DGKH: variants seen among roughly 807,000 people sequenced by gnomAD.
DGKH encodes diacylglycerol kinase eta.
In DGKH, 90 loss-of-function variants were observed where a neutral mutation model predicts 159.3. That is an observed-to-expected ratio of 0.57 (90% CI 0.48 to 0.67). DGKH has a LOEUF of 0.67. DGKH is among the 30% of genes least tolerant of loss of function. The pLI is 0.00. For missense variants in DGKH, 1,181 were observed against 1,506.1 expected (o/e 0.78, Z 3.57); for synonymous variants, 536 against 553.8 (o/e 0.97, Z 0.45).
downstream of DGKH, among the ~76,000 whole-genome samples, chr13:42,244,322 C>T (rs533688006): frequency 2.0e-5 from 3 of 152,242 alleles, no homozygotes; most frequent in South Asian, 2.1e-4. Flanking sequence ...GAGAAGGGGG[C>T]GCTCTCCCGA....
rs570502418 is a variant in DGKH, at chr13:42,066,800, G to T, written c.192+17835G>T. On this transcript the variant is annotated intron_variant, in intron 1 of 29. Transcript: ENST00000337343. The stretch of plus-strand genomic sequence containing the variant: ...GCCCCCTGTGCGGAAGTGCTGTCTG[G>T]TTTTTTCCTAAAAGTAAAATGTTAT... 6.6e-5 allele frequency: 10 copies of T among 152,120 alleles called. No homozygotes were observed. The South Asian group carries it at 1.0e-3, about 16-fold the overall frequency. The allele number at this position is 152,120 out of a possible 1,614,324, so 9.4% of individuals were successfully genotyped here.
At chr13:42,209,255 T>C in intron 22 of DGKH, 76 bp from the exon 23 acceptor site, 2 of 1,533,654 alleles carry the variant, frequency 1.3e-6, no homozygotes, top group Admixed American at 3.9e-5. Context: ...AATAGTCTAA[T>C]ACTCAAGCCT....
chr13:42,213,576 C>G (rs573299483), intron 24 of DGKH, among the ~76,000 whole-genome samples: 28 of 152,226 alleles, frequency 1.8e-4, no homozygotes, highest in African/African-American at 6.5e-4. Context: ...GATAATAGTG[C>G]TGAGGTGACA....
At chr13:42,174,225 C>G in intron 12 of DGKH, 81 bp downstream of exon 12, 1 of 1,161,650 alleles carries the variant, frequency 8.6e-7, no homozygotes, top group South Asian at 1.3e-5. Flanking sequence ...AGAAAATGTA[C>G]TCCTAATATA....
chr13:42,040,372 G>A (rs940985559), intron 1 of DGKH, among the ~76,000 whole-genome samples: 2 of 151,982 alleles, frequency 1.3e-5, no homozygotes, highest in Non-Finnish European at 2.9e-5. Flanking sequence ...CCGGCCCCGG[G>A]GGAGGCCGCT....
In DGKH at chr13:42,189,186, G is replaced by T. The variant is rs780185054; in HGVS notation, c.1789G>T (p.Glu597Ter). ...TGAAGAGTCCCTGGGTGAAAGCAAA[G>T]AGCAGCTTGGGGATGACGTTACAAA... ...SSEESLGESK[E>*]QLGDDVTKPS... The change falls in exon 15 of 30, where the codon GAG becomes TAG. Residue 597 changes from glutamate to a stop codon, truncating the protein, a stop_gained. Coordinates refer to ENST00000337343, the MANE Select transcript of DGKH (RefSeq NM_178009.5). LOFTEE classifies it high-confidence loss of function. 6.2e-7 allele frequency: 1 copy of T among 1,614,240 alleles called. No homozygotes were observed. Among genetic ancestry groups the T allele is most frequent in the South Asian group, 1.1e-5 (1 of 91,088 alleles).
chr13:42,176,758 A>T (rs1269591506), intron 12 of DGKH, among the ~76,000 whole-genome samples: 2 of 152,206 alleles, frequency 1.3e-5, no homozygotes, highest in Admixed American at 1.3e-4. Context: ...GCAGAAGAGC[A>T]TAGGCGGCCA....
At chr13:42,207,067 TTC>T (rs1484802407) in intron 21 of DGKH, among the ~76,000 whole-genome samples, 1 of 107,382 alleles carries the variant, frequency 9.3e-6, no homozygotes, top group East Asian at 2.4e-4. Context: ...CCTTCCTTCT[TTC>T]TTTCTTTCTT....
intron 11 of DGKH, among the ~76,000 whole-genome samples, chr13:42,172,678 C>T (rs752645358): frequency 6.6e-6 from 1 of 152,090 alleles, no homozygotes; most frequent in Non-Finnish European, 1.5e-5. Context: ...CTTTATTTTA[C>T]ATCTTTTTCT....
chr13:42,178,029 C>A, intron 12 of DGKH, 106 bp from the exon 13 acceptor site: 1 of 618,316 alleles, frequency 1.6e-6, no homozygotes, highest in East Asian at 2.9e-5. Context: ...ATAGTGATTG[C>A]CTTGCCTAAA....
intron 12 of DGKH, among the ~76,000 whole-genome samples, chr13:42,175,434 TA>T (rs1956575233): frequency 6.6e-6 from 1 of 152,186 alleles, no homozygotes; most frequent in Non-Finnish European, 1.5e-5. Flanking sequence ...TCCATAAACA[TA>T]ACACATTTTT....
At chr13:42,254,174 AAAAT>A in intron 30 of DGKH, among the ~76,000 whole-genome samples, 1 of 152,302 alleles carries the variant, frequency 6.6e-6, no homozygotes, top group Non-Finnish European at 1.5e-5. Flanking sequence ...CTATCCCTTG[AAAAT>A]AAATAGAGGA....
At position 42,225,285 on chromosome 13, in the gene DGKH, G is replaced by A. The variant is rs770550348; in HGVS notation, c.3574-3814G>A. 5 of 1,586,200 alleles carry A rather than the reference G, an allele frequency of 3.2e-6. No homozygotes were observed. The African/African-American group carries it at 6.7e-5, about 21-fold the overall frequency. On this transcript the variant is annotated intron_variant, in intron 29 of 29. Transcript: ENST00000337343. ...ACAAACTGATTGCATCATTTTCTTTGCTAGAACACAGTAGGAGAAAAAAGA... is the reference window on the plus strand; with the variant it reads ...ACAAACTGATTGCATCATTTTCTTTACTAGAACACAGTAGGAGAAAAAAGA...
At chr13:42,156,121 T>A (rs1956037965) in intron 5 of DGKH, among the ~76,000 whole-genome samples, 1 of 152,248 alleles carries the variant, frequency 6.6e-6, no homozygotes, top group Admixed American at 6.5e-5. Context: ...GCAGAATTTC[T>A]GATTGTTAAT....
chr13:42,224,225 C>T (rs549066290), intron 29 of DGKH, among the ~76,000 whole-genome samples: 3 of 152,284 alleles, frequency 2.0e-5, no homozygotes, highest in South Asian at 2.1e-4. Flanking sequence ...GCTCCTATTG[C>T]ACTCCTGTTC....
In DGKH at chr13:42,040,457, A is replaced by C. The variant is rs955026066; in HGVS notation, c.-13+331A>C. 4.1e-3 allele frequency among the ~76,000 whole-genome samples: 619 copies of C among 150,156 alleles called. 15 individuals are homozygous for C. Among genetic ancestry groups the C allele is most frequent in the East Asian group, 1.2e-3 (6 of 4,968 alleles). On this transcript the variant is annotated intron_variant, in intron 1 of 29. Coordinates refer to the DGKH transcript ENST00000379274. The stretch of plus-strand genomic sequence containing the variant: ...GGTTCCGCGCCTTATAAGGCCTGAC[A>C]GGGGGGTCACGTGTGTCCCGGGCCA...
chr13:42,088,172 A>G (rs905738570), intron 1 of DGKH, among the ~76,000 whole-genome samples: 2 of 152,204 alleles, frequency 1.3e-5, no homozygotes, highest in African/African-American at 4.8e-5. Flanking sequence ...CTCAGTGAAA[A>G]ATATCTTTCA....
chr13:42,057,360 A>G (rs1373829229), intron 1 of DGKH, among the ~76,000 whole-genome samples: 1 of 152,192 alleles, frequency 6.6e-6, no homozygotes, highest in African/African-American at 2.4e-5. Flanking sequence ...CCATCTCACT[A>G]TTTTATGTAG....
intron 1 of DGKH, among the ~76,000 whole-genome samples, chr13:42,123,494 T>C (rs1955112881): frequency 6.6e-6 from 1 of 152,074 alleles, no homozygotes; most frequent in African/African-American, 2.4e-5. Flanking sequence ...TAAATAGGAC[T>C]TCATCAAATT....
Sources: allele counts gnomAD v4.1 joint callset (sites outside exome capture counted in the v4.1 genomes callset), GRCh38; gene constraint gnomAD v4.1.1; transcripts MANE v1.5; gene names NCBI Gene and HGNC (gene_info 2026-07-23, HGNC 2026-07-21).